The following CAPN5 variants were observed in gnomAD, a reference collection of about 807,000 sequenced individuals.
CAPN5 encodes the protein calpain-5.
Under a neutral mutation model 73.0 loss-of-function variants are expected in CAPN5, and 54 were observed. That is an observed-to-expected ratio of 0.74 (90% CI 0.59 to 0.93). CAPN5 has a LOEUF of 0.93. CAPN5 is among the 40% of genes least tolerant of loss of function. The pLI is 0.00. For missense variants in CAPN5, 785 were observed against 882.9 expected, an observed-to-expected ratio of 0.89 and a Z score of 1.41; for synonymous variants, 335 against 356.9, an observed-to-expected ratio of 0.94 and a Z score of 0.69.
rs1950556508 is a variant in CAPN5, at chr11:77,124,816, G to A, written c.*946G>A. 1.3e-5 allele frequency: 2 copies of A among 152,178 alleles called. No individual in the cohort carries two copies. The highest frequency in any genetic ancestry group is 2.9e-5 in the Non-Finnish European group (2 of 68,040). 9.4% of individuals were successfully genotyped at this position (152,178 alleles called of 1,614,324 possible). ...GGAAGATGGGACTCTGGGGTGTGTG[G>A]TGCTCACCAGAGTCAGGCCACCCAC... is the stretch of plus-strand genomic sequence containing the variant. On this transcript the variant is annotated 3_prime_UTR_variant, in exon 13 of 13. Transcript: ENST00000648180.
chr11:77,067,625 G>A (rs1555032320), intron 1 of CAPN5, among the ~76,000 whole-genome samples: 1 of 140,180 alleles, frequency 7.1e-6, no homozygotes, highest in African/African-American at 2.7e-5. Context: ...ACTGCAGGGC[G>A]GGCGCACGTG....
chr11:77,082,589 G>A (rs1950039067), intron 1 of CAPN5, among the ~76,000 whole-genome samples: 1 of 152,160 alleles, frequency 6.6e-6, no homozygotes, highest in Non-Finnish European at 1.5e-5. Context: ...CCTCACATAA[G>A]TAGGCCAAGG....
At chr11:77,095,828 C>T (rs1344629689) in intron 3 of CAPN5, among the ~76,000 whole-genome samples, 1 of 152,236 alleles carries the variant, frequency 6.6e-6, no homozygotes, top group African/African-American at 2.4e-5. Flanking sequence ...ATCTGTGGGC[C>T]AAAGGTTCCT....
rs1417535530 is a variant in CAPN5 at position 77,112,897 on chromosome 11, G to A, written c.506+100G>A. The A allele has an allele frequency of 9.7e-6, 11 of 1,133,246 alleles. No individual in the cohort carries two copies. The African/African-American group carries it at 1.4e-4, about 14-fold the overall frequency. The allele number at this position is 1,133,246 out of a possible 1,614,324, so 70.2% of individuals were successfully genotyped here. A position where few individuals can be genotyped will look rare whatever the true frequency, so the allele number is the denominator to read the frequency against. Reference sequence around the variant, plus strand: ...CGTTAGCCAGGGCTTTAGGCACAGAGAAGTGAGGGGCTGGTGCAGGCACGC... The same window carrying A: ...CGTTAGCCAGGGCTTTAGGCACAGAAAAGTGAGGGGCTGGTGCAGGCACGC... On this transcript the variant is annotated intron_variant, in intron 4 of 12. Coordinates refer to ENST00000648180, the MANE Select transcript of CAPN5 (RefSeq NM_004055.5).
At chr11:77,086,161 G>T (rs764675450) in intron 2 of CAPN5, among the ~76,000 whole-genome samples, 1 of 152,192 alleles carries the variant, frequency 6.6e-6, no homozygotes, top group Non-Finnish European at 1.5e-5. Context: ...GTGAGGTCCC[G>T]CGAAGGCAAA....
intron 12 of CAPN5, 144 bp downstream of exon 12, chr11:77,122,856 G>GT: frequency 9.7e-7 from 1 of 1,035,346 alleles, no homozygotes; most frequent in Non-Finnish European, 1.4e-6. Flanking sequence ...GACCCCTGGT[G>GT]TGGCTTTGGG....
At position 77,112,681 on chromosome 11, in the gene CAPN5, A is replaced by G. The variant is rs1950424136; in HGVS notation, c.390A>G (p.Glu130=). ...IFHFHFWRFG[E]WVDVVIDDRL... Reference sequence around the variant, plus strand: ...ACTTCCACTTCTGGCGCTTCGGGGAATGGGTGGACGTGGTCATCGATGACC... The same window carrying G: ...ACTTCCACTTCTGGCGCTTCGGGGAGTGGGTGGACGTGGTCATCGATGACC... Residue 130 remains glutamate, a synonymous_variant, in exon 4 of 13, where the codon GAA becomes GAG. Transcript: ENST00000648180. The G allele has an allele frequency of 2.5e-6, 4 of 1,614,080 alleles. No homozygotes were observed. Among genetic ancestry groups the G allele is most frequent in the Non-Finnish European group, 3.4e-6 (4 of 1,180,032 alleles).
chr11:77,114,560 G>T lies in CAPN5; in HGVS notation c.699+126G>T, dbSNP rs555696857. On this transcript the variant is annotated intron_variant, in intron 5 of 12. Coordinates refer to ENST00000648180, the MANE Select transcript of CAPN5 (RefSeq NM_004055.5). Reference sequence around the variant, plus strand: ...TATTCAGACCCTCAGCCTCGTGGGGGAGGGGAGAAGTTGGAAGGTGCAACC... The same window carrying T: ...TATTCAGACCCTCAGCCTCGTGGGGTAGGGGAGAAGTTGGAAGGTGCAACC... The T allele has an allele frequency of 5.7e-6, 5 of 881,024 alleles. No homozygotes were observed. In the South Asian group the frequency reaches 7.5e-5, roughly 13 times the overall value. 54.6% of individuals were successfully genotyped at this position (881,024 alleles called of 1,614,324 possible).
intron 2 of CAPN5, among the ~76,000 whole-genome samples, chr11:77,087,258 G>A (rs1555035699): frequency 6.6e-6 from 1 of 152,246 alleles, no homozygotes; most frequent in African/African-American, 2.4e-5. Context: ...GGTTTGTGGA[G>A]CAGGAAGTCA....
chr11:77,119,232 C>T lies in CAPN5; in HGVS notation c.1290+80C>T, dbSNP rs1337130377. 4.1e-6 allele frequency: 6 copies of T among 1,459,874 alleles called. No homozygotes were observed. In the African/African-American group the frequency reaches 4.2e-5, roughly 10 times the overall value. 90.4% of individuals were successfully genotyped at this position (1,459,874 alleles called of 1,614,324 possible). A position where few individuals can be genotyped will look rare whatever the true frequency, so the allele number is the denominator to read the frequency against. On this transcript the variant is annotated intron_variant, in intron 9 of 12. Transcript: ENST00000648180. ...TGGACTGCCCATGCCTGAGGAAGAACGCTCTAGAACACCTTGGTCACTGCC... is the reference window on the plus strand; with the variant it reads ...TGGACTGCCCATGCCTGAGGAAGAATGCTCTAGAACACCTTGGTCACTGCC...
At chr11:77,091,734 T>C (rs540765178) in intron 2 of CAPN5, among the ~76,000 whole-genome samples, 58 of 152,160 alleles carry the variant, frequency 3.8e-4, no homozygotes, top group African/African-American at 1.4e-3. Flanking sequence ...AGCTCAGGCC[T>C]TGGGGAGGGA....
intron 3 of CAPN5, among the ~76,000 whole-genome samples, chr11:77,102,621 C>T (rs528603618): frequency 2.5e-4 from 38 of 152,394 alleles, no homozygotes; most frequent in African/African-American, 8.9e-4. Context: ...TGCATTATCG[C>T]TTCTGCGGGG....
rs782346020 is a variant in CAPN5 at position 77,086,290 on chromosome 11, G to A, written c.165+1239G>A. Among the ~76,000 whole-genome samples the A allele has an allele frequency of 4.6e-5, 7 of 152,252 alleles. No homozygotes were observed. In the East Asian group the frequency reaches 7.7e-4, roughly 17 times the overall value. On this transcript the variant is annotated intron_variant, in intron 2 of 12. Coordinates refer to ENST00000648180, the MANE Select transcript of CAPN5 (RefSeq NM_004055.5). ...AGTTTCCCTCCCAGGCTATGATCTC[G>A]AGTCCCTTCTGACTGAAAATACCCC... is the stretch of plus-strand genomic sequence containing the variant.
intron 1 of CAPN5, among the ~76,000 whole-genome samples, chr11:77,080,592 C>T (rs1412697886): frequency 6.6e-6 from 1 of 152,186 alleles, no homozygotes; most frequent in Non-Finnish European, 1.5e-5. Context: ...GGCCTTATTC[C>T]ATCCTGTACA....
chr11:77,095,450 G>A (rs369818208), intron 3 of CAPN5, among the ~76,000 whole-genome samples: 3 of 152,160 alleles, frequency 2.0e-5, no homozygotes, highest in Admixed American at 6.5e-5. Context: ...CACCTCCCCC[G>A]TGAGGTGAGC....
intron 2 of CAPN5, among the ~76,000 whole-genome samples, chr11:77,089,878 AAAACAAACAAAAAC>A (rs1950131005): frequency 6.6e-6 from 1 of 152,172 alleles, no homozygotes; most frequent in Non-Finnish European, 1.5e-5. Context: ...CCATCTAAAA[AAAACAAACAAAAAC>A]AAACAAACAA....
At chr11:77,075,065 G>A (rs1490744668) in intron 1 of CAPN5, among the ~76,000 whole-genome samples, 10 of 152,258 alleles carry the variant, frequency 6.6e-5, no homozygotes, top group South Asian at 2.1e-4. Context: ...CAAGACAGCC[G>A]TGACCAAGTC....
intron 1 of CAPN5, among the ~76,000 whole-genome samples, chr11:77,084,559 TCAAA>T (rs1555035077): frequency 6.6e-6 from 1 of 152,038 alleles, no homozygotes; most frequent in Non-Finnish European, 1.5e-5. Flanking sequence ...GGAAGGCTGG[TCAAA>T]CAAAGGAAGG....
chr11:77,099,645 T>C (rs1950262496), intron 3 of CAPN5, among the ~76,000 whole-genome samples: 1 of 147,324 alleles, frequency 6.8e-6, no homozygotes, highest in African/African-American at 2.5e-5. Context: ...GGCAGGGAGG[T>C]TGCAGTGAGC....
Sources: gnomAD v4.1 joint callset for allele counts (sites outside exome capture counted in the v4.1 genomes callset) on GRCh38, gnomAD v4.1.1 for gene constraint, MANE v1.5 for transcripts, NCBI Gene and HGNC (gene_info 2026-07-23, HGNC 2026-07-21) for gene names.